Variants in SLC35B2 observed in about 807,000 individuals in gnomAD.
The protein encoded by SLC35B2 is adenosine 3'-phospho 5'-phosphosulfate transporter 1.
Under a neutral mutation model 37.9 loss-of-function variants are expected in SLC35B2, and 19 were observed. That is an observed-to-expected ratio of 0.50 (90% CI 0.35 to 0.74). The LOEUF is 0.74. Among genes scored for constraint, SLC35B2 ranks in the 30% least tolerant of loss-of-function variants. The pLI is 0.01. For synonymous variants in SLC35B2, 277 were observed against 225.2 expected (o/e 1.23, Z -2.06); for missense variants, 633 against 547.6 (o/e 1.16, Z -1.56).
intron 2 of SLC35B2, 60 bp downstream of exon 2, chr6:44,256,625 C>T (rs1781539337): frequency 6.2e-7 from 1 of 1,611,976 alleles, no homozygotes; most frequent in Non-Finnish European, 8.5e-7. Flanking sequence ...CCCGTTTGGA[C>T]TGCTGGCCAA....
chr6:44,254,423 A>ACT lies in SLC35B2; in HGVS notation c.*281_*282dup. ...CTTAAGGGAACTTGTGGGAAGAGTA[A>ACT]CTGGAACCTACCTATGCTCTCTTGA... On this transcript the variant is annotated 3_prime_UTR_variant, in exon 4 of 4. Transcript: ENST00000393812. 2 of 233,136 alleles carry ACT rather than the reference A, an allele frequency of 8.6e-6. No homozygotes were observed. Among genetic ancestry groups the ACT allele is most frequent in the Non-Finnish European group, 1.5e-5 (2 of 136,724 alleles). The allele number at this position is 233,136 out of a possible 1,614,324, so 14.4% of individuals were successfully genotyped here.
upstream of SLC35B2, chr6:44,257,573 G>A (rs1781709651): frequency 1.7e-6 from 1 of 572,380 alleles, no homozygotes; most frequent in African/African-American, 2.0e-5. Flanking sequence ...CTCCGCCCCT[G>A]CCGCGACCAC....
In SLC35B2 at chr6:44,257,484, C is replaced by T. The variant is rs113349920; in HGVS notation, c.-74G>A. 1.7e-3 allele frequency: 2,052 copies of T among 1,225,238 alleles called. 24 individuals are homozygous for T. In the African/African-American group the frequency reaches 0.026, roughly 15 times the overall value. The allele number at this position is 1,225,238 out of a possible 1,614,324, so 75.9% of individuals were successfully genotyped here. ...GGGCCGCGCGCCCCCTGCGCTCCCG[C>T]CGCCGCCTCCAGGAGCGGCCAGCGA... On this transcript the variant is annotated 5_prime_UTR_variant, in exon 1 of 4. Coordinates refer to ENST00000393812, the MANE Select transcript of SLC35B2 (RefSeq NM_178148.4).
chr6:44,255,191 G>C lies in SLC35B2; in HGVS notation c.814C>G (p.Leu272Val). ...RSSPATTLSG[L>V]ILLAGYIAFD... Reference sequence around the variant, plus strand: ...GCAATATAACCTGCCAGTAAGATGAGGCCTGAGAGTGTGGTGGCTGGGGAG... The same window carrying C: ...GCAATATAACCTGCCAGTAAGATGACGCCTGAGAGTGTGGTGGCTGGGGAG... Residue 272 changes from leucine (L) to valine (V), a missense_variant, in exon 4 of 4, where the codon CTC becomes GTC. Transcript: ENST00000393812. 1 of 1,614,252 alleles carries C rather than the reference G, an allele frequency of 6.2e-7. No homozygotes were observed. The highest frequency in any genetic ancestry group is 8.5e-7 in the Non-Finnish European group (1 of 1,180,050).
chr6:44,256,016 T>C (rs1029673539), intron 3 of SLC35B2, among the ~76,000 whole-genome samples: 1 of 152,166 alleles, frequency 6.6e-6, no homozygotes, highest in African/African-American at 2.4e-5. Context: ...GGGTTTACAG[T>C]ATGTGAGACA....
chr6:44,256,225 G>A, intron 3 of SLC35B2, 117 bp downstream of exon 3: 1 of 1,330,772 alleles, frequency 7.5e-7, no homozygotes, highest in Non-Finnish European at 1.0e-6. Flanking sequence ...GCCCCTGGGA[G>A]GAGGACACGA....
chr6:44,256,959 GC>G, intron 1 of SLC35B2, 81 bp from the exon 2 acceptor site: 2 of 1,397,780 alleles, frequency 1.4e-6, no homozygotes, highest in Non-Finnish European at 1.9e-6. Flanking sequence ...CTGGAGTAGT[GC>G]CCGGAGTCTC....
chr6:44,256,885 G>A lies in SLC35B2; in HGVS notation c.12-7C>T. The A allele has an allele frequency of 6.2e-7, 1 of 1,601,734 alleles. No individual in the cohort carries two copies. The highest frequency in any genetic ancestry group is 8.5e-7 in the Non-Finnish European group (1 of 1,173,680). On this transcript the variant is annotated splice_polypyrimidine_tract_variant and splice_region_variant and intron_variant, in intron 1 of 3. Coordinates refer to ENST00000393812, the MANE Select transcript of SLC35B2 (RefSeq NM_178148.4). Reference sequence around the variant, plus strand: ...CACCACCACTGCCCACCATCTGTAAGGAAAGCGGACATAAGGATTAGGGCG... The same window carrying A: ...CACCACCACTGCCCACCATCTGTAAAGAAAGCGGACATAAGGATTAGGGCG...
At position 44,256,859 on chromosome 6, in the gene SLC35B2, GCACCACCACTGCC is replaced by G; in HGVS notation, c.18_30del (p.Trp6CysfsTer8). ...GCCCCTAGGGAGGGGAACGCAGCCA[GCACCACCACTGCC>G]CACCATCTGTAAGGAAAGCGGACAT... is the stretch of plus-strand genomic sequence containing the variant. On this transcript the variant is annotated frameshift_variant, in exon 2 of 4. Coordinates refer to ENST00000393812, the MANE Select transcript of SLC35B2 (RefSeq NM_178148.4). LOFTEE classifies it high-confidence loss of function. 2 of 1,609,628 alleles carry G rather than the reference GCACCACCACTGCC, an allele frequency of 1.2e-6. No homozygotes were observed. The highest frequency in any genetic ancestry group is 1.7e-6 in the Non-Finnish European group (2 of 1,178,022).
rs762342196 is a variant in SLC35B2, at chr6:44,254,741, C to A, written c.1264G>T (p.Ala422Ser). The A allele has an allele frequency of 5.0e-6, 8 of 1,613,666 alleles. No homozygotes were observed. In the African/African-American group the frequency reaches 1.1e-4, roughly 22 times the overall value. Residue 422 changes from alanine to serine, a missense_variant, in exon 4 of 4, where the codon GCT becomes TCT. Transcript: ENST00000393812. ...RGRLKQRGKK[A>S]VPVESPVQKV The stretch of plus-strand genomic sequence containing the variant: ...TGCACAGGAGACTCAACAGGCACAG[C>A]CTTCTTTCCCCGTTGCTTTAGACGG...
chr6:44,255,737 G>A (rs983620265), intron 3 of SLC35B2, 93 bp from the exon 4 acceptor site: 5 of 1,202,946 alleles, frequency 4.2e-6, no homozygotes, highest in Admixed American at 5.3e-5. Context: ...TTATGCCTAA[G>A]TGATTCAAAG....
In SLC35B2 at chr6:44,256,809, A is replaced by T. The variant is rs376277286; in HGVS notation, c.81T>A (p.Pro27=). 13 of 1,613,954 alleles carry T rather than the reference A, an allele frequency of 8.1e-6. No homozygotes were observed. The Admixed American group carries it at 1.5e-4, about 19-fold the overall frequency. Residue 27 remains proline (P), a synonymous_variant, in exon 2 of 4, where the codon CCT becomes CCA. Coordinates refer to ENST00000393812, the MANE Select transcript of SLC35B2 (RefSeq NM_178148.4). ...ACCATAGCTGGGTCCATGACTCCGG[A>T]GGGGCTTCGGGAGTCTCCCCACCTG... The part of the protein sequence containing the change: ...LGAGGETPEA[P]PESWTQLWFF...
chr6:44,256,228 G>A, intron 3 of SLC35B2, 114 bp downstream of exon 3: 1 of 1,364,004 alleles, frequency 7.3e-7, no homozygotes. Flanking sequence ...CCTGGGAGGA[G>A]GACACGAAAC....
rs1479890133 is a variant in SLC35B2, at chr6:44,254,227, G to C, written c.*479C>G. The C allele has an allele frequency of 4.9e-6, 1 of 202,684 alleles. No homozygotes were observed. The highest frequency in any genetic ancestry group is 2.4e-5 in the African/African-American group (1 of 42,140). The allele number at this position is 202,684 out of a possible 1,614,324, so 12.6% of individuals were successfully genotyped here. Reference sequence around the variant, plus strand: ...GGATCCAGGAGCATAGGAGGTGGTGGTGCTGGGCAGGGCTCTGCATCCCCT... The same window carrying C: ...GGATCCAGGAGCATAGGAGGTGGTGCTGCTGGGCAGGGCTCTGCATCCCCT... On this transcript the variant is annotated 3_prime_UTR_variant, in exon 4 of 4. Coordinates refer to ENST00000393812, the MANE Select transcript of SLC35B2 (RefSeq NM_178148.4).
In SLC35B2 at chr6:44,256,759, G is replaced by A. The variant is rs1197802715; in HGVS notation, c.131C>T (p.Ala44Val). 1.9e-6 allele frequency: 3 copies of A among 1,614,096 alleles called. No individual in the cohort carries two copies. The highest frequency in any genetic ancestry group is 2.5e-6 in the Non-Finnish European group (3 of 1,180,044). The change falls in exon 2 of 4, where the codon GCT becomes GTT. Residue 44 changes from alanine (A) to valine (V), a missense_variant. Ala to Val is a moderately conservative substitution (Grantham distance 64). Transcript: ENST00000393812. ...LWFFRFVVNA[A>V]GYASFMVPGY... ...AGGTACCATAAAGCTGGCATAGCCA[G>A]CAGCATTCACCACAAATCGGAAGAA...
chr6:44,254,721 A>G lies in SLC35B2; in HGVS notation c.1284T>C (p.Pro428=), dbSNP rs528603457. The change falls in exon 4 of 4, where the codon CCT becomes CCC. Residue 428 remains proline (P), a synonymous_variant. Transcript: ENST00000393812. ...RGKKAVPVES[P]VQKV ...CTTTCCACCCTCAAACCTTCTGCAC[A>G]GGAGACTCAACAGGCACAGCCTTCT... The G allele has an allele frequency of 2.5e-6, 4 of 1,612,118 alleles. No individual in the cohort carries two copies. Among genetic ancestry groups the G allele is most frequent in the Non-Finnish European group, 8.5e-7 (1 of 1,178,574 alleles).
In SLC35B2 at chr6:44,255,585, G is replaced by A; in HGVS notation, c.420C>T (p.Ala140=). The stretch of plus-strand genomic sequence containing the variant: ...AGCGCTCACCCGGTGATGTGGCTGT[G>A]GCCCCATAGCTGCGGGTCATCACTC... The part of the protein sequence containing the change: ...QERVMTRSYG[A]TATSPGERFT... The change falls in exon 4 of 4, where the codon GCC becomes GCT. Residue 140 remains alanine, a synonymous_variant. Transcript: ENST00000393812. 1 of 1,614,178 alleles carries A rather than the reference G, an allele frequency of 6.2e-7. No homozygotes were observed. The highest frequency in any genetic ancestry group is 8.5e-7 in the Non-Finnish European group (1 of 1,180,044).
rs1191031831 is a variant in SLC35B2 at position 44,255,092 on chromosome 6, CA to C, written c.912del (p.Phe304LeufsTer16). ...AYKMSSVQMM[F>X]GVNFFSCLFT... is the part of the protein sequence containing the mutation. ...AAGAGGCAGGAGAAGAAATTGACCC[CA>C]AACATCATCTGCACCGATGACATCT... On this transcript the variant is annotated frameshift_variant, in exon 4 of 4. Coordinates refer to ENST00000393812, the MANE Select transcript of SLC35B2 (RefSeq NM_178148.4). LOFTEE classifies it high-confidence loss of function. 1 of 1,614,214 alleles carries C rather than the reference CA, an allele frequency of 6.2e-7. No individual in the cohort carries two copies. Among genetic ancestry groups the C allele is most frequent in the South Asian group, 1.1e-5 (1 of 91,080 alleles).
rs754563464 is a variant in SLC35B2 at position 44,256,758 on chromosome 6, A to G, written c.132T>C (p.Ala44=). 6.2e-7 allele frequency: 1 copy of G among 1,614,210 alleles called. No individual in the cohort carries two copies. Among genetic ancestry groups the G allele is most frequent in the Non-Finnish European group, 8.5e-7 (1 of 1,180,026 alleles). ...CAGGTACCATAAAGCTGGCATAGCCAGCAGCATTCACCACAAATCGGAAGA... is the reference window on the plus strand; with the variant it reads ...CAGGTACCATAAAGCTGGCATAGCCGGCAGCATTCACCACAAATCGGAAGA... The part of the protein sequence containing the change: ...LWFFRFVVNA[A]GYASFMVPGY... Residue 44 remains alanine (A), a synonymous_variant, in exon 2 of 4, where the codon GCT becomes GCC. Transcript: ENST00000393812.
Sources: allele counts gnomAD v4.1 joint callset (sites outside exome capture counted in the v4.1 genomes callset), GRCh38; gene constraint gnomAD v4.1.1; transcripts MANE v1.5; gene names NCBI Gene and HGNC (gene_info 2026-07-23, HGNC 2026-07-21).